Variants in ZNF33A observed in about 807,000 individuals in gnomAD.
ZNF33A encodes zinc finger protein 33A, also known as brain my041 protein.
Under a neutral mutation model 15.9 loss-of-function variants are expected in ZNF33A, and 9 were observed. That is an observed-to-expected ratio of 0.57 (90% CI 0.34 to 0.99). The LOEUF (loss-of-function observed/expected upper bound fraction) is 0.99. Ranked by LOEUF, ZNF33A falls within the 50% of genes least tolerant of loss-of-function variation. ZNF33A has a pLI of 0.02. For synonymous variants in ZNF33A, 294 were observed against 324.2 expected, an observed-to-expected ratio of 0.91 and a Z score of 1.00; for missense variants, 843 against 941.6, an observed-to-expected ratio of 0.90 and a Z score of 1.37.
intron 4 of ZNF33A, among the ~76,000 whole-genome samples, chr10:38,040,263 CCT>C (rs1366134659): frequency 1.3e-5 from 2 of 152,050 alleles, no homozygotes; most frequent in African/African-American, 4.8e-5. Flanking sequence ...TTGAAGCATA[CCT>C]GCTCCACTGT....
At chr10:38,018,063 C>T (rs2064549309) in intron 4 of ZNF33A, among the ~76,000 whole-genome samples, 1 of 152,106 alleles carries the variant, frequency 6.6e-6, no homozygotes, top group African/African-American at 2.4e-5. Context: ...CACTGCACTC[C>T]AGCCTGAGCA....
intron 1 of ZNF33A, among the ~76,000 whole-genome samples, chr10:38,011,816 A>T (rs12777107): frequency 0.027 from 4,159 of 152,132 alleles, 139 homozygotes; most frequent in African/African-American, 0.082. Context: ...ATTAAAACTG[A>T]TTTTTTCTTT....
downstream of ZNF33A, chr10:38,065,073 T>A (rs1312972986): frequency 6.6e-6 from 1 of 152,556 alleles, no homozygotes; most frequent in Non-Finnish European, 1.5e-5. Flanking sequence ...GTTTTTTGTT[T>A]GTTTATTTGT....
intron 4 of ZNF33A, among the ~76,000 whole-genome samples, chr10:38,020,240 TG>T (rs1175615493): frequency 2.6e-5 from 4 of 152,206 alleles, no homozygotes; most frequent in South Asian, 2.1e-4. Flanking sequence ...TTTTAATTTT[TG>T]TGAGTACATA....
At position 38,057,663 on chromosome 10, in the gene ZNF33A, A is replaced by G; in HGVS notation, c.*1103A>G. 2 of 984,836 alleles carry G rather than the reference A, an allele frequency of 2.0e-6. No homozygotes were observed. Among genetic ancestry groups the G allele is most frequent in the Non-Finnish European group, 2.4e-6 (2 of 829,716 alleles). The allele number at this position is 984,836 out of a possible 1,614,324, so 61.0% of individuals were successfully genotyped here. On this transcript the variant is annotated 3_prime_UTR_variant, in exon 5 of 5. Coordinates refer to ENST00000432900, the MANE Select transcript of ZNF33A (RefSeq NM_006954.2). ...AAAAAAAATCTATCCTGTACATGTGAAGATCTAGGCTCGCCTCCATGTTAC... is the reference window on the plus strand; with the variant it reads ...AAAAAAAATCTATCCTGTACATGTGGAGATCTAGGCTCGCCTCCATGTTAC...
chr10:38,054,144 T>G (rs2066340667), intron 4 of ZNF33A, among the ~76,000 whole-genome samples: 1 of 152,206 alleles, frequency 6.6e-6, no homozygotes, highest in African/African-American at 2.4e-5. Context: ...CTTCAATAGT[T>G]AAATTCCTCT....
chr10:38,063,252 G>A (rs1291273619), downstream of ZNF33A, among the ~76,000 whole-genome samples: 1 of 152,130 alleles, frequency 6.6e-6, no homozygotes, highest in Non-Finnish European at 1.5e-5. Context: ...GGAACTGTGG[G>A]AAAGACAGAT....
At chr10:38,031,899 G>T (rs2065228750) in intron 4 of ZNF33A, among the ~76,000 whole-genome samples, 1 of 152,056 alleles carries the variant, frequency 6.6e-6, no homozygotes, top group Non-Finnish European at 1.5e-5. Context: ...GGAGGCGGAG[G>T]TTGCACTGAG....
chr10:38,018,866 G>A (rs1003560420), intron 4 of ZNF33A, among the ~76,000 whole-genome samples: 4 of 151,958 alleles, frequency 2.6e-5, no homozygotes, highest in South Asian at 2.1e-4. Flanking sequence ...ACATTCCCGA[G>A]TCTGAAGTAA....
intron 4 of ZNF33A, among the ~76,000 whole-genome samples, chr10:38,041,183 C>G (rs1336605050): frequency 6.6e-6 from 1 of 152,012 alleles, no homozygotes; most frequent in Non-Finnish European, 1.5e-5. Flanking sequence ...AGACATAGCA[C>G]ATAGAGGTGA....
chr10:38,041,412 A>G (rs1006476852), intron 4 of ZNF33A, among the ~76,000 whole-genome samples: 1 of 152,086 alleles, frequency 6.6e-6, no homozygotes, highest in Non-Finnish European at 1.5e-5. Flanking sequence ...GTTGCTCTAG[A>G]ACTTACCTAA....
At chr10:38,067,120 G>A (rs1333637640), downstream of ZNF33A, among the ~76,000 whole-genome samples, 1 of 152,120 alleles carries the variant, frequency 6.6e-6, no homozygotes, top group Non-Finnish European at 1.5e-5. Flanking sequence ...ATTCTCTAGA[G>A]CATGCAAATA....
At chr10:38,013,355 C>T (rs1224048145) in intron 2 of ZNF33A, among the ~76,000 whole-genome samples, 3 of 151,494 alleles carry the variant, frequency 2.0e-5, no homozygotes, top group Non-Finnish European at 2.9e-5. Context: ...GTGATCTGCT[C>T]TCCTCAGCCT....
At chr10:38,023,735 A>G (rs1449951254) in intron 4 of ZNF33A, among the ~76,000 whole-genome samples, 1 of 152,248 alleles carries the variant, frequency 6.6e-6, no homozygotes, top group Non-Finnish European at 1.5e-5. Context: ...TATTCATTGT[A>G]GTACTGTAAC....
chr10:38,064,020 C>A, downstream of ZNF33A: 1 of 1,462,294 alleles, frequency 6.8e-7, no homozygotes, highest in Non-Finnish European at 9.4e-7. Flanking sequence ...GGCTTTCAGG[C>A]CATCTTCACA....
intron 4 of ZNF33A, among the ~76,000 whole-genome samples, chr10:38,019,144 C>A (rs999992376): frequency 6.6e-6 from 1 of 151,426 alleles, no homozygotes. Context: ...ACTCCCCCCA[C>A]CCCGTAACAG....
At position 38,057,746 on chromosome 10, in the gene ZNF33A, T is replaced by C; in HGVS notation, c.*1186T>C. The C allele has an allele frequency of 3.0e-6, 3 of 985,492 alleles. No individual in the cohort carries two copies. Among genetic ancestry groups the C allele is most frequent in the Non-Finnish European group, 3.6e-6 (3 of 829,964 alleles). The allele number at this position is 985,492 out of a possible 1,614,324, so 61.0% of individuals were successfully genotyped here. On this transcript the variant is annotated 3_prime_UTR_variant, in exon 5 of 5. Transcript: ENST00000432900. ...TGCCATGAAGTGCCTAGGGTACATATGTGAACATTCCAGCCTTCAGCATAA... is the reference window on the plus strand; with the variant it reads ...TGCCATGAAGTGCCTAGGGTACATACGTGAACATTCCAGCCTTCAGCATAA...
chr10:38,025,610 G>A (rs2064951488), intron 4 of ZNF33A, among the ~76,000 whole-genome samples: 1 of 152,226 alleles, frequency 6.6e-6, no homozygotes, highest in Admixed American at 6.5e-5. Context: ...CAGACTTCCA[G>A]CATTTGGAAC....
chr10:38,030,455 G>T (rs1249322876), intron 4 of ZNF33A, among the ~76,000 whole-genome samples: 1 of 152,182 alleles, frequency 6.6e-6, no homozygotes, highest in East Asian at 1.9e-4. Context: ...AAGAGATTAA[G>T]CTGAGTTTTA....
Sources: gnomAD v4.1 joint callset for allele counts (sites outside exome capture counted in the v4.1 genomes callset) on GRCh38, gnomAD v4.1.1 for gene constraint, MANE v1.5 for transcripts, NCBI Gene and HGNC (gene_info 2026-07-23, HGNC 2026-07-21) for gene names.